Variants in LAMB1 observed in about 807,000 individuals in gnomAD.
The protein encoded by LAMB1 is laminin subunit beta-1.
LAMB1 carries 121 observed loss-of-function variants against 222.3 expected under a neutral mutation model. That is an observed-to-expected ratio of 0.54 (90% CI 0.47 to 0.63). The LOEUF (loss-of-function observed/expected upper bound fraction) is 0.63. Ranked by LOEUF, LAMB1 falls within the 30% of genes least tolerant of loss-of-function variation. The pLI is 0.00. For synonymous variants in LAMB1, 794 were observed against 807.2 expected (o/e 0.98, Z 0.28); for missense variants, 2,172 against 2,240.8 (o/e 0.97, Z 0.62).
At chr7:108,001,513 G>C in intron 3 of LAMB1, 45 bp downstream of exon 3, 1 of 1,531,118 alleles carries the variant, frequency 6.5e-7, no homozygotes, top group Non-Finnish European at 8.8e-7. Context: ...GGTCTGGACG[G>C]GAGGAGGCGC....
intron 3 of LAMB1, 63 bp downstream of exon 3, chr7:108,001,495 G>A: frequency 6.8e-7 from 1 of 1,480,752 alleles, no homozygotes; most frequent in Admixed American, 2.3e-5. Context: ...CCCAGGGCCT[G>A]CCCCTTAGGT....
In LAMB1 at chr7:107,986,431, G is replaced by A. The variant is rs1041634820; in HGVS notation, c.424-68C>T. On this transcript the variant is annotated intron_variant, in intron 5 of 33. Coordinates refer to ENST00000222399, the MANE Select transcript of LAMB1 (RefSeq NM_002291.3). Reference sequence around the variant, plus strand: ...TAGTCTCTACTTTTTTTAATCTCAGGTAAAAATGTCACTCAACTGCATGCC... The same window carrying A: ...TAGTCTCTACTTTTTTTAATCTCAGATAAAAATGTCACTCAACTGCATGCC... The A allele has an allele frequency of 4.4e-6, 6 of 1,376,416 alleles. No individual in the cohort carries two copies. The African/African-American group carries it at 8.7e-5, about 20-fold the overall frequency. 85.3% of individuals were successfully genotyped at this position (1,376,416 alleles called of 1,614,324 possible).
intron 13 of LAMB1, among the ~76,000 whole-genome samples, chr7:107,969,309 T>C (rs1041223797): frequency 6.7e-6 from 1 of 148,662 alleles, no homozygotes; most frequent in African/African-American, 2.5e-5. Context: ...AAAAAAATCA[T>C]AAATATAGAA....
At chr7:108,002,428 C>A (rs781775173) in intron 2 of LAMB1, 1 of 1,314,494 alleles carries the variant, frequency 7.6e-7, no homozygotes, top group South Asian at 1.3e-5. Context: ...ATTAAAGCCA[C>A]ATGGCCCCCA....
Position 107,929,368 on chromosome 7 carries a change from T to C in LAMB1, c.4745+44A>G, listed in dbSNP as rs200001431. On this transcript the variant is annotated intron_variant, in intron 30 of 33. Coordinates refer to ENST00000222399, the MANE Select transcript of LAMB1 (RefSeq NM_002291.3). ...TAAAGAGATACTTTTTACTCCATGA[T>C]AGATACACAAAATAAGCCCCTTAGA... is the stretch of plus-strand genomic sequence containing the variant. 3 of 1,560,964 alleles carry C rather than the reference T, an allele frequency of 1.9e-6. No homozygotes were observed. The East Asian group carries it at 6.7e-5, about 35-fold the overall frequency.
rs2032940261 is a variant in LAMB1, at chr7:107,939,984, C to CT, written c.3761+4dup. On this transcript the variant is annotated splice_donor_region_variant and intron_variant, in intron 25 of 33. Coordinates refer to ENST00000222399, the MANE Select transcript of LAMB1 (RefSeq NM_002291.3). The stretch of plus-strand genomic sequence containing the variant: ...AGTAATTCCTCTGGCTCATTAACTA[C>CT]TTACTCTGCTTCCTCAAAGAGATTC... The CT allele has an allele frequency of 6.2e-7, 1 of 1,611,974 alleles. No individual in the cohort carries two copies. Among genetic ancestry groups the CT allele is most frequent in the Non-Finnish European group, 8.5e-7 (1 of 1,178,498 alleles).
Position 107,986,330 on chromosome 7 carries a change from A to C in LAMB1, c.457T>G (p.Ser153Ala). The change falls in exon 6 of 34, where the codon TCG (serine) becomes GCG (alanine). Residue 153 changes from serine to alanine, a missense_variant. Transcript: ENST00000222399. ...FRPAAMLIER[S>A]SDFGKTWGVY... The stretch of plus-strand genomic sequence containing the variant: ...CCCCAGGTTTTCCCAAAGTCGGACG[A>C]TCGTTCTATCAGCATAGCAGCTGGA... The C allele has an allele frequency of 6.2e-7, 1 of 1,608,148 alleles. No individual in the cohort carries two copies. Among genetic ancestry groups the C allele is most frequent in the South Asian group, 1.1e-5 (1 of 90,616 alleles).
chr7:107,931,614 G>A lies in LAMB1; in HGVS notation c.4393-114C>T. ...AAAAACTATGTACTTGGAATCATAT[G>A]TCTGGGAAACAACTTTCTCCCATTC... On this transcript the variant is annotated intron_variant, in intron 28 of 33. Coordinates refer to ENST00000222399, the MANE Select transcript of LAMB1 (RefSeq NM_002291.3). The A allele has an allele frequency of 4.0e-6, 4 of 1,008,504 alleles. No individual in the cohort carries two copies. In the South Asian group the frequency reaches 5.6e-5, roughly 14 times the overall value. 62.5% of individuals were successfully genotyped at this position (1,008,504 alleles called of 1,614,324 possible). A position where few individuals can be genotyped will look rare whatever the true frequency, so the allele number is the denominator to read the frequency against.
At chr7:107,970,273 G>A (rs2150435479) in intron 13 of LAMB1, among the ~76,000 whole-genome samples, 1 of 152,142 alleles carries the variant, frequency 6.6e-6, no homozygotes, top group Non-Finnish European at 1.5e-5. Context: ...GATCACTTGA[G>A]GGTCAGAAGT....
At chr7:107,940,419 T>A in intron 24 of LAMB1, 61 bp from the exon 25 acceptor site, 1 of 1,534,252 alleles carries the variant, frequency 6.5e-7, no homozygotes. Context: ...TGACAAGATG[T>A]GGCATTTAGA....
chr7:107,962,845 A>T, intron 15 of LAMB1, 60 bp downstream of exon 15: 1 of 1,406,978 alleles, frequency 7.1e-7, no homozygotes, highest in Non-Finnish European at 9.9e-7. Flanking sequence ...CATTAGAAGT[A>T]CTATTTTTCT....
intron 12 of LAMB1, among the ~76,000 whole-genome samples, chr7:107,974,092 G>C (rs2033804949): frequency 6.6e-6 from 1 of 152,026 alleles, no homozygotes; most frequent in East Asian, 1.9e-4. Flanking sequence ...CATCAATTTA[G>C]ACTTCCAGAA....
rs1215403057 is a variant in LAMB1 at position 107,975,927 on chromosome 7, A to G, written c.1001-50T>C. On this transcript the variant is annotated intron_variant, in intron 9 of 33. Transcript: ENST00000222399. The stretch of plus-strand genomic sequence containing the variant: ...AAAAGCTTTTTAAATCTATGGACCA[A>G]TGGAGGATGGGGGTGGCAGGAAGAT... 2.7e-6 allele frequency: 4 copies of G among 1,506,256 alleles called. No individual in the cohort carries two copies. In the South Asian group the frequency reaches 4.9e-5, roughly 19 times the overall value. 93.3% of individuals were successfully genotyped at this position (1,506,256 alleles called of 1,614,324 possible). A position where few individuals can be genotyped will look rare whatever the true frequency, so the allele number is the denominator to read the frequency against.
chr7:107,939,297 T>C (rs906725876), intron 25 of LAMB1, among the ~76,000 whole-genome samples: 11 of 151,668 alleles, frequency 7.3e-5, no homozygotes, highest in Admixed American at 6.6e-5. Context: ...GTCAATTCTC[T>C]AGGCTTCCAC....
Position 107,980,770 on chromosome 7 carries a change from G to A in LAMB1, c.718C>T (p.Leu240=). 1 of 1,611,856 alleles carries A rather than the reference G, an allele frequency of 6.2e-7. No homozygotes were observed. The highest frequency in any genetic ancestry group is 2.2e-5 in the East Asian group (1 of 44,852). The stretch of plus-strand genomic sequence containing the variant: ...AGAAGGTTATCTCCCAAAGTATGCA[G>A]TTTCACAAACTTGATTCTCAAGTTG... ...ITNLRIKFVK[L]HTLGDNLLDS... Residue 240 remains leucine (L), a synonymous_variant, in exon 8 of 34, where the codon CTG becomes TTG. Coordinates refer to ENST00000222399, the MANE Select transcript of LAMB1 (RefSeq NM_002291.3).
chr7:107,984,604 G>T (rs2034038810), intron 7 of LAMB1, among the ~76,000 whole-genome samples: 1 of 152,124 alleles, frequency 6.6e-6, no homozygotes, highest in African/African-American at 2.4e-5. Context: ...CTCCCGAGTT[G>T]AGGTGAGGAC....
At chr7:107,965,821 CG>C (rs2033623331) in intron 13 of LAMB1, among the ~76,000 whole-genome samples, 1 of 151,956 alleles carries the variant, frequency 6.6e-6, no homozygotes. Flanking sequence ...GTCCCAAGGC[CG>C]GGTGCGCAGT....
Position 107,924,255 on chromosome 7 carries a change from T to TGCTTGA in LAMB1, c.5193_5198dup (p.Gln1732_Ala1733dup). On this transcript the variant is annotated inframe_insertion, in exon 33 of 34. Transcript: ENST00000222399. ...CTTTGAGCAGTTGCAGCTTGCTATTTGCTTGAGCTAAAAGAGTTTTTGCTT... is the reference window on the plus strand; with the variant it reads ...CTTTGAGCAGTTGCAGCTTGCTATTTGCTTGAGCTTGAGCTAAAAGAGTTTTTGCTT... 9 of 1,611,784 alleles carry TGCTTGA rather than the reference T, an allele frequency of 5.6e-6. No individual in the cohort carries two copies. Among genetic ancestry groups the TGCTTGA allele is most frequent in the Non-Finnish European group, 7.6e-6 (9 of 1,179,346 alleles).
intron 31 of LAMB1, 142 bp downstream of exon 31, chr7:107,928,922 G>T: frequency 1.2e-6 from 1 of 809,142 alleles, no homozygotes. Flanking sequence ...TAGCATCCAT[G>T]CTAACGGAGT....
Sources: allele counts gnomAD v4.1 joint callset (sites outside exome capture counted in the v4.1 genomes callset), GRCh38; gene constraint gnomAD v4.1.1; transcripts MANE v1.5; gene names NCBI Gene and HGNC (gene_info 2026-07-23, HGNC 2026-07-21).